ZNRF3: variants seen among roughly 807,000 people sequenced by gnomAD.
The protein encoded by ZNRF3 is zinc and ring finger 3, also known as E3 ubiquitin-protein ligase ZNRF3.
Under a neutral mutation model 72.5 loss-of-function variants are expected in ZNRF3, and 23 were observed. The ratio of observed to expected loss-of-function variants is 0.32; its 90% CI spans 0.23 to 0.45. The LOEUF is 0.45. Ranked by LOEUF, ZNRF3 falls within the 20% of genes least tolerant of loss-of-function variation. ZNRF3 has a pLI of 1.00. For missense variants in ZNRF3, 1,169 were observed against 1,272.1 expected (o/e 0.92, Z 1.23); for synonymous variants, 610 against 545.3 (o/e 1.12, Z -1.65).
intron 1 of ZNRF3, among the ~76,000 whole-genome samples, chr22:28,976,719 T>C (rs2035680983): frequency 6.6e-6 from 1 of 152,198 alleles, no homozygotes; most frequent in Non-Finnish European, 1.5e-5. Context: ...GAAGTAAAAC[T>C]GTGTGAGTGA....
chr22:29,037,862 G>T (rs910502614), intron 2 of ZNRF3, among the ~76,000 whole-genome samples: 2 of 152,176 alleles, frequency 1.3e-5, no homozygotes, highest in African/African-American at 4.8e-5. Context: ...GGGATGAGGG[G>T]AAGGGCACAT....
At chr22:28,977,781 T>C (rs1163761033) in intron 1 of ZNRF3, among the ~76,000 whole-genome samples, 1 of 152,176 alleles carries the variant, frequency 6.6e-6, no homozygotes, top group African/African-American at 2.4e-5. Flanking sequence ...TGTAGAGATT[T>C]GTAACCTTGG....
At chr22:28,961,055 A>G (rs899735279) in intron 1 of ZNRF3, among the ~76,000 whole-genome samples, 1 of 152,224 alleles carries the variant, frequency 6.6e-6, no homozygotes, top group Non-Finnish European at 1.5e-5. Context: ...CATAAAAGAA[A>G]TTTATTTCTC....
intron 1 of ZNRF3, among the ~76,000 whole-genome samples, chr22:28,937,802 A>G (rs995879762): frequency 8.5e-5 from 13 of 152,242 alleles, no homozygotes. Context: ...ATATTCATAC[A>G]TATGTGGACA....
At chr22:28,890,639 A>G (rs2033867559) in intron 1 of ZNRF3, among the ~76,000 whole-genome samples, 1 of 152,232 alleles carries the variant, frequency 6.6e-6, no homozygotes, top group Admixed American at 6.5e-5. Flanking sequence ...AGGTTATGGA[A>G]GGAAAGAATC....
intron 1 of ZNRF3, among the ~76,000 whole-genome samples, chr22:28,903,281 G>A (rs1392461911): frequency 6.6e-6 from 1 of 152,168 alleles, no homozygotes; most frequent in African/African-American, 2.4e-5. Flanking sequence ...CTTGACTCCA[G>A]TGTGTTTCTA....
At chr22:28,992,195 AC>A (rs962414476) in intron 2 of ZNRF3, among the ~76,000 whole-genome samples, 20 of 30,460 alleles carry the variant, frequency 6.6e-4, no homozygotes, top group African/African-American at 2.3e-3. Context: ...CCCGCACACC[AC>A]CCCCCACCCC....
chr22:28,954,235 G>A (rs1265580546), intron 1 of ZNRF3, among the ~76,000 whole-genome samples: 1 of 152,198 alleles, frequency 6.6e-6, no homozygotes, highest in African/African-American at 2.4e-5. Context: ...TCTAGGTGCT[G>A]GAAGTCTGAG....
At chr22:28,937,256 AAACTCATGCCAGACTT>A (rs2034856129) in intron 1 of ZNRF3, among the ~76,000 whole-genome samples, 1 of 142,622 alleles carries the variant, frequency 7.0e-6, no homozygotes, top group African/African-American at 2.7e-5. Context: ...GGAAAGAAAA[AAACTCATGCCAGACTT>A]GTTTGTCTGA....
At chr22:29,006,232 T>TTTTTTTTTTTG (rs2036241920) in intron 2 of ZNRF3, among the ~76,000 whole-genome samples, 1 of 126,234 alleles carries the variant, frequency 7.9e-6, no homozygotes, top group South Asian at 2.7e-4. Flanking sequence ...TTTTTTTTTT[T>TTTTTTTTTTTG]GAGACAGTTT....
At chr22:28,901,635 C>CTT (rs132532) in intron 1 of ZNRF3, among the ~76,000 whole-genome samples, 110 of 74,814 alleles carry the variant, frequency 1.5e-3, no homozygotes, top group African/African-American at 4.8e-3. Flanking sequence ...ATGGATGGAC[C>CTT]TTTTTTTTTT....
At chr22:28,991,431 C>T (rs1410407289) in intron 2 of ZNRF3, among the ~76,000 whole-genome samples, 3 of 151,844 alleles carry the variant, frequency 2.0e-5, no homozygotes, top group Non-Finnish European at 2.9e-5. Flanking sequence ...CCAGCCTTGG[C>T]TGACTGACCT....
intron 1 of ZNRF3, among the ~76,000 whole-genome samples, chr22:28,921,246 A>T (rs1315548758): frequency 1.3e-5 from 2 of 151,914 alleles, no homozygotes; most frequent in African/African-American, 4.8e-5. Context: ...TGTTTCACTT[A>T]GGGCTCCATA....
intron 1 of ZNRF3, among the ~76,000 whole-genome samples, chr22:28,907,015 C>G (rs1217946658): frequency 6.7e-6 from 1 of 149,742 alleles, no homozygotes. Flanking sequence ...TGGACTCTCG[C>G]TCTGTCGCCC....
chr22:28,924,439 A>G (rs1261663914), intron 1 of ZNRF3, among the ~76,000 whole-genome samples: 1 of 152,186 alleles, frequency 6.6e-6, no homozygotes, highest in Non-Finnish European at 1.5e-5. Flanking sequence ...TGAGCCAGCT[A>G]GGAATTCAGA....
chr22:29,042,877 C>T (rs568686273), intron 3 of ZNRF3, among the ~76,000 whole-genome samples: 2 of 152,048 alleles, frequency 1.3e-5, no homozygotes, highest in South Asian at 2.1e-4. Context: ...CGGGTTCAAG[C>T]GATTCTCCTG....
At chr22:29,038,149 T>C (rs2036897558) in intron 2 of ZNRF3, among the ~76,000 whole-genome samples, 1 of 152,232 alleles carries the variant, frequency 6.6e-6, no homozygotes, top group African/African-American at 2.4e-5. Flanking sequence ...ATAGGATTTC[T>C]GGTGGCCACA....
chr22:29,007,191 C>G (rs180869326), intron 2 of ZNRF3, among the ~76,000 whole-genome samples: 2 of 152,274 alleles, frequency 1.3e-5, no homozygotes, highest in Admixed American at 6.5e-5. Flanking sequence ...GCCCCTGGCT[C>G]TAATGAATGG....
At chr22:29,051,963 G>A (rs933160661) in intron 8 of ZNRF3, among the ~76,000 whole-genome samples, 5 of 147,242 alleles carry the variant, frequency 3.4e-5, no homozygotes, top group African/African-American at 1.0e-4. Context: ...TTCTCAACCC[G>A]CCTGTGAAGG....
Sources: allele counts gnomAD v4.1 joint callset (sites outside exome capture counted in the v4.1 genomes callset), GRCh38; gene constraint gnomAD v4.1.1; transcripts MANE v1.5; gene names NCBI Gene and HGNC (gene_info 2026-07-23, HGNC 2026-07-21).